Variants in PARP10 observed in about 807,000 individuals in gnomAD.
PARP10 encodes poly(ADP-ribose) polymerase family member 10, also known as protein mono-ADP-ribosyltransferase PARP10.
In PARP10, 56 loss-of-function variants were observed where a neutral mutation model predicts 82.4. The observed-to-expected ratio is 0.68, with a 90% CI of 0.55 to 0.85. The LOEUF is 0.85. PARP10 is among the 40% of genes least tolerant of loss of function. The probability of loss-of-function intolerance (pLI) is 0.00; values close to 1 mark genes in which losing one functional copy is unlikely to be tolerated. For missense variants in PARP10, 1,227 were observed against 1,379.4 expected (o/e 0.89, Z 1.75); for synonymous variants, 576 against 601.1 (o/e 0.96, Z 0.61).
chr8:143,998,948 TA>T (rs72107509), intron 1 of PARP10, among the ~76,000 whole-genome samples: 25,585 of 146,080 alleles, frequency 0.18, 5,364 homozygotes, highest in African/African-American at 0.51. Context: ...AGACCCTGTT[TA>T]AAAAAAAAAA....
upstream of PARP10, chr8:143,992,466 C>A (rs781824850): frequency 2.5e-6 from 4 of 1,614,020 alleles, no homozygotes; most frequent in Non-Finnish European, 3.4e-6. Context: ...CACCTGCAGA[C>A]CCGCTACGAC....
At chr8:144,004,064 G>A (rs782062447) in intron 1 of PARP10, among the ~76,000 whole-genome samples, 4 of 152,072 alleles carry the variant, frequency 2.6e-5, no homozygotes, top group Non-Finnish European at 5.9e-5. Flanking sequence ...TGTAATCCCA[G>A]CACTTTGGGA....
upstream of PARP10, chr8:143,991,201 G>C (rs199499088): frequency 6.5e-6 from 10 of 1,536,210 alleles, no homozygotes; most frequent in African/African-American, 1.4e-4. Context: ...CTTCTCTAGG[G>C]GCGGACCGCG....
rs782621674 is a variant in PARP10, at chr8:143,985,224, T to A, written c.778A>T (p.Ser260Cys). The A allele has an allele frequency of 1.9e-6, 3 of 1,614,042 alleles. No individual in the cohort carries two copies. The highest frequency in any genetic ancestry group is 2.5e-6 in the Non-Finnish European group (3 of 1,179,978). ...LEPEELAENT[S>C]GGDHPSTQGP... ...TGGGTGGACGGGTGGTCCCCTCCAC[T>A]GGTGTTCTCAGCCAGCTCCTCGGGC... Residue 260 changes from serine to cysteine, a missense_variant, in exon 5 of 11, where the codon AGT (serine) becomes TGT (cysteine). Ser to Cys is a moderately radical substitution (Grantham distance 112). Coordinates refer to ENST00000313028, the MANE Select transcript of PARP10 (RefSeq NM_032789.5).
intron 1 of PARP10, among the ~76,000 whole-genome samples, chr8:144,001,863 AATAT>A (rs1834205359): frequency 7.2e-6 from 1 of 139,182 alleles, no homozygotes; most frequent in Non-Finnish European, 1.5e-5. Context: ...TCCATCTTTA[AATAT>A]ATATACGTGT....
At position 143,981,317 on chromosome 8, in the gene PARP10, GAT is replaced by G. The variant is rs1554747658; in HGVS notation, c.2556+1613_2556+1614del. ...CGGTGGTGGTGGTAGTGGTGGTGGT[GAT>G]GGTGGTGACGACAGTGAGTGGTGAA... On this transcript the variant is annotated intron_variant, in intron 9 of 10. Transcript: ENST00000313028. 4.0e-5 allele frequency among the ~76,000 whole-genome samples: 5 copies of G among 124,548 alleles called. No homozygotes were observed. In the East Asian group the frequency reaches 1.1e-3, roughly 28 times the overall value. 81.7% of individuals were successfully genotyped at this position (124,548 alleles called of 152,430 possible). A position where few individuals can be genotyped will look rare whatever the true frequency, so the allele number is the denominator to read the frequency against.
exon 1 of PARP10, chr8:144,012,756 G>A (rs1554752651): frequency 1.9e-6 from 3 of 1,550,098 alleles, no homozygotes; most frequent in Non-Finnish European, 2.6e-6. Context: ...AGAGAGTGAG[G>A]AGGGAAGTGG....
chr8:144,012,701 A>G, exon 1 of PARP10: 1 of 1,551,658 alleles, frequency 6.4e-7, no homozygotes, highest in South Asian at 1.2e-5. Context: ...AGGCAACAGC[A>G]GGCCTTTCCT....
chr8:144,010,892 T>C (rs551821551), intron 1 of PARP10, among the ~76,000 whole-genome samples: 1 of 151,508 alleles, frequency 6.6e-6, no homozygotes, highest in Non-Finnish European at 1.5e-5. Context: ...CTCAAAAAAA[T>C]AAATAAATAA....
At chr8:144,012,474 A>C in intron 1 of PARP10, 1 of 1,530,384 alleles carries the variant, frequency 6.5e-7, no homozygotes, top group Non-Finnish European at 8.9e-7. Context: ...CTCCAGGTGC[A>C]GTGCCCTCCC....
intron 5 of PARP10, 29 bp from the exon 6 acceptor site, chr8:143,984,460 G>T (rs975354767): frequency 7.5e-6 from 12 of 1,598,168 alleles, no homozygotes; most frequent in Non-Finnish European, 1.0e-5. Context: ...GATGGAGTTT[G>T]CAGGTTTAGA....
At chr8:143,987,845 C>T (rs1336058881), upstream of PARP10, among the ~76,000 whole-genome samples, 1 of 151,912 alleles carries the variant, frequency 6.6e-6, no homozygotes, top group South Asian at 2.1e-4. Flanking sequence ...GAGCTGAGAT[C>T]GTGCCACTGC....
At position 143,983,263 on chromosome 8, in the gene PARP10, C is replaced by T. The variant is rs1554748156; in HGVS notation, c.2326G>A (p.Ala776Thr). Residue 776 changes from alanine to threonine, a missense_variant, in exon 8 of 11, where the codon GCC becomes ACC. Coordinates refer to ENST00000313028, the MANE Select transcript of PARP10 (RefSeq NM_032789.5). The part of the protein sequence containing the change: ...GDCTILRGFG[A>T]HPARAARHLV... The stretch of plus-strand genomic sequence containing the variant: ...TGGCGGGCAGCACGGGCAGGGTGGG[C>T]CCCGAAGCCACGGAGGATGGTGCAG... 2 of 1,612,882 alleles carry T rather than the reference C, an allele frequency of 1.2e-6. No homozygotes were observed. The highest frequency in any genetic ancestry group is 1.6e-4 in the Middle Eastern group (1 of 6,062).
At chr8:143,988,417 T>G (rs1834037671), upstream of PARP10, among the ~76,000 whole-genome samples, 1 of 147,892 alleles carries the variant, frequency 6.8e-6, no homozygotes, top group Non-Finnish European at 1.5e-5. Flanking sequence ...CCCAAAGTGC[T>G]GGGATTACTG....
chr8:143,986,371 G>A lies in PARP10; in HGVS notation c.-12C>T, dbSNP rs781860002. On this transcript the variant is annotated 5_prime_UTR_variant, in exon 1 of 11. Coordinates refer to ENST00000313028, the MANE Select transcript of PARP10 (RefSeq NM_032789.5). ...TACAGCACTTACATTCCCCGTGGCC[G>A]CTAGGCAGCCTCAGGCCATGAGCTC... 22 of 1,613,974 alleles carry A rather than the reference G, an allele frequency of 1.4e-5. No homozygotes were observed. The Admixed American group carries it at 2.0e-4, about 15-fold the overall frequency.
chr8:143,994,544 T>A (rs987056331), upstream of PARP10, among the ~76,000 whole-genome samples: 6 of 152,234 alleles, frequency 3.9e-5, no homozygotes, highest in Non-Finnish European at 5.9e-5. Flanking sequence ...TGGCTCCAGC[T>A]GCCCTCCTGT....
At position 143,977,522 on chromosome 8, in the gene PARP10, C is replaced by T. The variant is rs781860147; in HGVS notation, c.3040G>A (p.Asp1014Asn). 6.4e-7 allele frequency: 1 copy of T among 1,559,254 alleles called. No homozygotes were observed. The highest frequency in any genetic ancestry group is 1.9e-5 in the Admixed American group (1 of 52,060). Residue 1014 changes from aspartate to asparagine, a missense_variant, in exon 11 of 11, where the codon GAC (aspartate) becomes AAC (asparagine). Coordinates refer to ENST00000313028, the MANE Select transcript of PARP10 (RefSeq NM_032789.5). ...CEHVPRASPDDPSGLPGRSPD... is the reference protein window; with the variant it reads ...CEHVPRASPDNPSGLPGRSPD... ...GAGCGGCCCGGGAGCCCAGAGGGGT[C>T]GTCGGGGGAAGCGCGGGGCACGTGC... is the stretch of plus-strand genomic sequence containing the variant.
chr8:143,991,550 C>T (rs1834096828), upstream of PARP10: 3 of 1,476,186 alleles, frequency 2.0e-6, no homozygotes, highest in South Asian at 2.3e-5. Context: ...AGAGCCCCTT[C>T]CCCCCCAACC....
At chr8:143,991,829 G>A (rs1481885201), upstream of PARP10, 7 of 1,605,974 alleles carry the variant, frequency 4.4e-6, no homozygotes, top group Non-Finnish European at 6.0e-6. Flanking sequence ...CTCCAAGGCG[G>A]TGGGGGCTGT....
Sources: allele counts gnomAD v4.1 joint callset (sites outside exome capture counted in the v4.1 genomes callset), GRCh38; gene constraint gnomAD v4.1.1; transcripts MANE v1.5; gene names NCBI Gene and HGNC (gene_info 2026-07-23, HGNC 2026-07-21).